KCNMB2: variants seen among roughly 807,000 people sequenced by gnomAD.
KCNMB2 encodes calcium-activated potassium channel subunit beta-2.
Under a neutral mutation model 24.5 loss-of-function variants are expected in KCNMB2, and 9 were observed. The observed-to-expected ratio is 0.37, with a 90% confidence interval of 0.22 to 0.64. The LOEUF is 0.64. KCNMB2 is among the 30% of genes least tolerant of loss of function. The pLI is 0.63. For missense variants in KCNMB2, 226 were observed against 284.3 expected (o/e 0.79, Z 1.47); for synonymous variants, 109 against 104.4 (o/e 1.04, Z -0.27).
At chr3:178,812,180 G>T (rs1219893787) in intron 2 of KCNMB2, among the ~76,000 whole-genome samples, 1 of 151,786 alleles carries the variant, frequency 6.6e-6, no homozygotes, top group Non-Finnish European at 1.5e-5. Flanking sequence ...CCCAGTTTGT[G>T]GTTTGGCTTT....
intron 1 of KCNMB2, among the ~76,000 whole-genome samples, chr3:178,642,726 G>C (rs1719771026): frequency 6.6e-6 from 1 of 152,196 alleles, no homozygotes; most frequent in Non-Finnish European, 1.5e-5. Flanking sequence ...AAAAACTGAA[G>C]TTTTCAACTA....
chr3:178,561,824 A>G (rs1716327386), intron 1 of KCNMB2, among the ~76,000 whole-genome samples: 1 of 152,156 alleles, frequency 6.6e-6, no homozygotes, highest in Non-Finnish European at 1.5e-5. Flanking sequence ...GAAAAGGAAA[A>G]ACAAAACTGT....
At chr3:178,813,103 T>C (rs1175255789) in intron 2 of KCNMB2, among the ~76,000 whole-genome samples, 1 of 152,220 alleles carries the variant, frequency 6.6e-6, no homozygotes, top group Admixed American at 6.5e-5. Flanking sequence ...TGAATACGAT[T>C]AACCTCTACA....
chr3:178,828,399 A>G, intron 4 of KCNMB2, 26 bp downstream of exon 4: 1 of 1,567,826 alleles, frequency 6.4e-7, no homozygotes. Flanking sequence ...ACTGCATTTC[A>G]GTTACCCCAC....
chr3:178,592,805 T>G (rs985726682), intron 1 of KCNMB2, among the ~76,000 whole-genome samples: 23 of 152,144 alleles, frequency 1.5e-4, no homozygotes, highest in Admixed American at 9.8e-4. Context: ...AAAGTGAAGG[T>G]TTCTATGGAA....
intron 1 of KCNMB2, among the ~76,000 whole-genome samples, chr3:178,698,236 T>C (rs1721951554): frequency 6.6e-6 from 1 of 152,214 alleles, no homozygotes; most frequent in Non-Finnish European, 1.5e-5. Context: ...GGGACACCAA[T>C]AAGTCATAGA....
chr3:178,686,432 C>T (rs1460456955), intron 1 of KCNMB2, among the ~76,000 whole-genome samples: 1 of 152,098 alleles, frequency 6.6e-6, no homozygotes, highest in African/African-American at 2.4e-5. Context: ...ATTCCAATTC[C>T]TCTCTGTGCC....
intron 1 of KCNMB2, among the ~76,000 whole-genome samples, chr3:178,720,836 T>C (rs1278539493): frequency 6.6e-6 from 1 of 150,908 alleles, no homozygotes; most frequent in Admixed American, 6.6e-5. Flanking sequence ...TTGTTTGTTT[T>C]TTTCTTGTAA....
intron 2 of KCNMB2, among the ~76,000 whole-genome samples, chr3:178,823,704 CA>C (rs1413729933): frequency 6.6e-6 from 1 of 152,076 alleles, no homozygotes; most frequent in Non-Finnish European, 1.5e-5. Flanking sequence ...CCATAAACAC[CA>C]GTCAGGCCAT....
intron 1 of KCNMB2, among the ~76,000 whole-genome samples, chr3:178,609,137 A>T (rs886939097): frequency 6.6e-6 from 1 of 152,078 alleles, no homozygotes; most frequent in African/African-American, 2.4e-5. Flanking sequence ...TTTTCTCCAC[A>T]TCCTCGCCAG....
intron 1 of KCNMB2, among the ~76,000 whole-genome samples, chr3:178,760,486 A>G (rs1240509128): frequency 7.4e-6 from 1 of 135,672 alleles, no homozygotes; most frequent in East Asian, 2.0e-4. Flanking sequence ...TATTATATAT[A>G]TAATGTATCT....
At chr3:178,730,949 T>C (rs73049716) in intron 1 of KCNMB2, among the ~76,000 whole-genome samples, 5,305 of 152,238 alleles carry the variant, frequency 0.035, 320 homozygotes, top group African/African-American at 0.12. Flanking sequence ...AACAAATATT[T>C]AAGCATTAAC....
chr3:178,742,238 C>T (rs534537764), intron 1 of KCNMB2, among the ~76,000 whole-genome samples: 30 of 152,278 alleles, frequency 2.0e-4, no homozygotes, highest in Admixed American at 8.5e-4. Context: ...TCAAATGATA[C>T]TCACATTCAT....
chr3:178,822,753 T>A (rs1376051047), intron 2 of KCNMB2, among the ~76,000 whole-genome samples: 1 of 152,274 alleles, frequency 6.6e-6, no homozygotes, highest in African/African-American at 2.4e-5. Context: ...AAAACATTTG[T>A]TAACCACTTT....
intron 1 of KCNMB2, among the ~76,000 whole-genome samples, chr3:178,588,251 A>G (rs1473352834): frequency 6.6e-6 from 1 of 152,148 alleles, no homozygotes; most frequent in African/African-American, 2.4e-5. Context: ...TGCAAAAAAA[A>G]GGCCTCATTC....
intron 1 of KCNMB2, among the ~76,000 whole-genome samples, chr3:178,631,817 T>C (rs933994185): frequency 6.6e-6 from 1 of 152,218 alleles, no homozygotes; most frequent in Non-Finnish European, 1.5e-5. Context: ...CTAACAATTC[T>C]CAAGCCACAG....
chr3:178,679,079 G>C (rs1721178208), intron 1 of KCNMB2, among the ~76,000 whole-genome samples: 1 of 135,186 alleles, frequency 7.4e-6, no homozygotes, highest in Non-Finnish European at 1.6e-5. Flanking sequence ...TATACTTTAA[G>C]TTTTAGGGTA....
At chr3:178,765,184 G>T (rs1041828790) in intron 1 of KCNMB2, among the ~76,000 whole-genome samples, 3 of 152,146 alleles carry the variant, frequency 2.0e-5, no homozygotes, top group Non-Finnish European at 4.4e-5. Context: ...AGTAGTCATC[G>T]CAGCATTTGA....
rs537949057 is a variant in KCNMB2 at position 178,557,640 on chromosome 3, A to C, written c.-68+20929A>C. ...TGTGTTTCTTGTTACTCTTATGAAA[A>C]AGAGAAAAAGAAATATTATAATTGG... On this transcript the variant is annotated intron_variant, in intron 1 of 4. Coordinates refer to ENST00000452583, the MANE Select transcript of KCNMB2 (RefSeq NM_181361.3). Among the ~76,000 whole-genome samples the C allele has an allele frequency of 3.9e-4, 60 of 152,334 alleles. No individual in the cohort carries two copies. The South Asian group carries it at 0.012, about 30-fold the overall frequency.
Sources: allele counts gnomAD v4.1 joint callset (sites outside exome capture counted in the v4.1 genomes callset), GRCh38; gene constraint gnomAD v4.1.1; transcripts MANE v1.5; gene names NCBI Gene and HGNC (gene_info 2026-07-23, HGNC 2026-07-21).